IFT57: variants seen among roughly 807,000 people sequenced by gnomAD.
The protein encoded by IFT57 is intraflagellar transport protein 57 homolog.
In IFT57, 59 loss-of-function variants were observed where a neutral mutation model predicts 56.8. The observed-to-expected ratio is 1.04, with a 90% CI of 0.84 to 1.29. The LOEUF is 1.29. IFT57 is among the 50% of genes most tolerant of loss of function. The pLI, the probability that IFT57 is intolerant of heterozygous loss-of-function variation, is 0.00. For synonymous variants in IFT57, 209 were observed against 186.1 expected (o/e 1.12, Z -1.00); for missense variants, 470 against 522.1 (o/e 0.90, Z 0.97).
intron 5 of IFT57, among the ~76,000 whole-genome samples, chr3:108,194,346 G>A (rs184316942): frequency 6.6e-6 from 1 of 152,034 alleles, no homozygotes; most frequent in African/African-American, 2.4e-5. Context: ...GAACTGAAGA[G>A]GACACAGAAA....
intron 5 of IFT57, among the ~76,000 whole-genome samples, chr3:108,197,470 T>C (rs943760533): frequency 2.0e-5 from 3 of 152,134 alleles, no homozygotes; most frequent in Non-Finnish European, 4.4e-5. Flanking sequence ...GCTCAAACAG[T>C]GGGGCACACC....
rs781053053 is a variant in IFT57, at chr3:108,218,093, G to A, written c.494+442C>T. On this transcript the variant is annotated intron_variant, in intron 3 of 10. Transcript: ENST00000264538. ...AGGAGAGTGTCAGGTAGTTTCTTCA[G>A]TATTATTCTTGCCCAGTAACTACTA... 5.9e-5 allele frequency among the ~76,000 whole-genome samples: 9 copies of A among 152,104 alleles called. No homozygotes were observed. The South Asian group carries it at 6.2e-4, about 11-fold the overall frequency.
chr3:108,209,353 A>G (rs1474829890), intron 4 of IFT57, among the ~76,000 whole-genome samples: 2 of 152,232 alleles, frequency 1.3e-5, no homozygotes, highest in Non-Finnish European at 2.9e-5. Flanking sequence ...AAGGAATTAG[A>G]GCAACATCTG....
At chr3:108,196,680 C>T (rs1311904308) in intron 5 of IFT57, among the ~76,000 whole-genome samples, 2 of 152,168 alleles carry the variant, frequency 1.3e-5, no homozygotes, top group Non-Finnish European at 2.9e-5. Flanking sequence ...AAAATTTTCA[C>T]TCACTCGTAG....
intron 6 of IFT57, among the ~76,000 whole-genome samples, chr3:108,170,192 A>T (rs956280551): frequency 2.0e-5 from 3 of 152,042 alleles, no homozygotes; most frequent in Non-Finnish European, 2.9e-5. Flanking sequence ...TCAAATAGGA[A>T]CTGAGGAAGT....
intron 6 of IFT57, among the ~76,000 whole-genome samples, chr3:108,169,388 T>C (rs986126003): frequency 1.3e-5 from 2 of 151,874 alleles, no homozygotes; most frequent in Non-Finnish European, 2.9e-5. Context: ...GATACTAGAC[T>C]TTTGTCAGAT....
intron 3 of IFT57, 76 bp downstream of exon 3, chr3:108,218,459 A>C (rs1333748210): frequency 7.0e-6 from 4 of 571,074 alleles, no homozygotes; most frequent in Non-Finnish European, 1.2e-5. Flanking sequence ...TTTTATGTTC[A>C]ATTGAACAGC....
At chr3:108,165,609 G>A (rs1362256334) in intron 8 of IFT57, 116 bp from the exon 9 acceptor site, 2 of 760,296 alleles carry the variant, frequency 2.6e-6, no homozygotes, top group African/African-American at 1.7e-5. Flanking sequence ...CCTGCTCCTT[G>A]TTTGTGAATA....
chr3:108,190,494 A>T (rs1269351026), intron 6 of IFT57, among the ~76,000 whole-genome samples: 1 of 152,096 alleles, frequency 6.6e-6, no homozygotes, highest in Non-Finnish European at 1.5e-5. Context: ...TCTCCTGCTC[A>T]CTTCTTCTCC....
intron 5 of IFT57, among the ~76,000 whole-genome samples, chr3:108,198,285 C>T (rs866339243): frequency 4.6e-5 from 7 of 152,316 alleles, no homozygotes; most frequent in Middle Eastern, 3.4e-3. Flanking sequence ...TTTAACTTAA[C>T]GGTGTTCCCC....
Position 108,187,587 on chromosome 3 carries a change from T to TA in IFT57, c.777+3933dup, listed in dbSNP as rs1001257325. ...TAATTAAACTTGTTTTCATGTAAGTTAAAAAAAAAAGGGGGGGAGTGTCTG... is the reference window on the plus strand; with the variant it reads ...TAATTAAACTTGTTTTCATGTAAGTTAAAAAAAAAAAGGGGGGGAGTGTCTG... On this transcript the variant is annotated intron_variant, in intron 6 of 10. Transcript: ENST00000264538. Among the ~76,000 whole-genome samples the TA allele has an allele frequency of 4.3e-3, 602 of 140,306 alleles. 7 individuals are homozygous for TA. The East Asian group carries it at 0.044, about 10-fold the overall frequency. The allele number at this position is 140,306 out of a possible 152,430, so 92.0% of individuals were successfully genotyped here. A position where few individuals can be genotyped will look rare whatever the true frequency, so the allele number is the denominator to read the frequency against.
chr3:108,182,438 C>A (rs994180558), intron 6 of IFT57, among the ~76,000 whole-genome samples: 1 of 152,042 alleles, frequency 6.6e-6, no homozygotes, highest in Non-Finnish European at 1.5e-5. Flanking sequence ...TAAAGGAGGC[C>A]TCTCTTCTCC....
At chr3:108,190,047 G>A (rs1382479606) in intron 6 of IFT57, among the ~76,000 whole-genome samples, 2 of 152,070 alleles carry the variant, frequency 1.3e-5, no homozygotes, top group African/African-American at 2.4e-5. Flanking sequence ...AAGAGGAGGT[G>A]GAAGAGGACG....
intron 9 of IFT57, among the ~76,000 whole-genome samples, chr3:108,164,662 C>T (rs765376044): frequency 1.3e-5 from 2 of 152,050 alleles, no homozygotes; most frequent in African/African-American, 2.4e-5. Context: ...GTTTTATTTG[C>T]TTAGAAGCAC....
Position 108,175,722 on chromosome 3 carries a change from A to G in IFT57, c.778-7858T>C, listed in dbSNP as rs149843443. Among the ~76,000 whole-genome samples the G allele has an allele frequency of 4.3e-3, 659 of 151,936 alleles. 12 individuals carry two copies. Among genetic ancestry groups the G allele is most frequent in the African/African-American group, 0.015 (632 of 41,502 alleles). Reference sequence around the variant, plus strand: ...AAAAAGAGAAACTAAATCATGAGCTAGAGCTAGAGATGGTAAATGGAATTT... The same window carrying G: ...AAAAAGAGAAACTAAATCATGAGCTGGAGCTAGAGATGGTAAATGGAATTT... On this transcript the variant is annotated intron_variant, in intron 6 of 10. Coordinates refer to ENST00000264538, the MANE Select transcript of IFT57 (RefSeq NM_018010.4).
At chr3:108,218,014 A>AATATAAT (rs2080382641) in intron 3 of IFT57, among the ~76,000 whole-genome samples, 1 of 151,492 alleles carries the variant, frequency 6.6e-6, no homozygotes, top group Non-Finnish European at 1.5e-5. Context: ...AATATAATAT[A>AATATAAT]ATAATAGAAA....
chr3:108,219,393 G>C lies in IFT57; in HGVS notation c.375+17C>G, dbSNP rs1289754. On this transcript the variant is annotated intron_variant, in intron 2 of 10. Transcript: ENST00000264538. ...ATAACTTGAGAACAAGGAAAAAGAA[G>C]GGTCGTTTACACTTACAAATGACCG... The C allele has an allele frequency of 0.83, 1,325,804 of 1,598,296 alleles. 558,010 individuals are homozygous for C. Among genetic ancestry groups the C allele is most frequent in the Non-Finnish European group, 0.87 (1,011,059 of 1,166,558 alleles).
At chr3:108,182,154 G>A (rs1241240818) in intron 6 of IFT57, among the ~76,000 whole-genome samples, 3 of 151,854 alleles carry the variant, frequency 2.0e-5, no homozygotes, top group Non-Finnish European at 4.4e-5. Context: ...AATCCCTGCA[G>A]GTCAAAAATA....
chr3:108,201,008 C>A (rs2080276043), intron 5 of IFT57, among the ~76,000 whole-genome samples: 1 of 152,134 alleles, frequency 6.6e-6, no homozygotes, highest in Admixed American at 6.6e-5. Context: ...TATGCCAGCA[C>A]AATGTCAGGT....
Sources: allele counts gnomAD v4.1 joint callset (sites outside exome capture counted in the v4.1 genomes callset), GRCh38; gene constraint gnomAD v4.1.1; transcripts MANE v1.5; gene names NCBI Gene and HGNC (gene_info 2026-07-23, HGNC 2026-07-21).